Variants in SLC71A2 observed in about 807,000 individuals in gnomAD.
SLC71A2 encodes solute carrier family 71 member 2, also known as hippocampus abundant transcript-like 1.
At chr9:94,436,241 G>A in the SLC71A2 span, among the ~76,000 whole-genome samples, 9 of 152,184 alleles carry the variant, frequency 5.9e-5, no homozygotes, top group African/African-American at 1.9e-4. Flanking sequence ...GCTGTGTAGA[G>A]ATTTAAACTA....
At chr9:94,398,092 T>C in the SLC71A2 span, among the ~76,000 whole-genome samples, 1 of 151,884 alleles carries the variant, frequency 6.6e-6, no homozygotes, top group Non-Finnish European at 1.5e-5. Flanking sequence ...TTAATCATTT[T>C]ATCAGTATGA....
the SLC71A2 span, among the ~76,000 whole-genome samples, chr9:94,397,200 T>C: frequency 2.0e-5 from 3 of 152,188 alleles, no homozygotes; most frequent in South Asian, 4.1e-4. Flanking sequence ...CACAGAAAAA[T>C]TGCAGATAGC....
At chr9:94,384,744 A>C in the SLC71A2 span, among the ~76,000 whole-genome samples, 30,240 of 152,130 alleles carry the variant, frequency 0.2, 3,239 homozygotes, top group African/African-American at 0.28. Flanking sequence ...TATGGTGCGA[A>C]TGTCTCACTT....
chr9:94,391,988 G>C, the SLC71A2 span, among the ~76,000 whole-genome samples: 1 of 152,138 alleles, frequency 6.6e-6, no homozygotes, highest in African/African-American at 2.4e-5. Flanking sequence ...AACGTGTTGG[G>C]ATTACAGGCA....
the SLC71A2 span, among the ~76,000 whole-genome samples, chr9:94,453,010 C>A: frequency 2.0e-5 from 3 of 151,944 alleles, no homozygotes; most frequent in Admixed American, 6.6e-5. Flanking sequence ...CTACATTTGA[C>A]AAGGCTTATG....
chr9:94,434,224 T>TA, the SLC71A2 span, among the ~76,000 whole-genome samples: 23 of 152,226 alleles, frequency 1.5e-4, no homozygotes, highest in African/African-American at 5.3e-4. Context: ...ACAACTATTA[T>TA]GACCAAATTT....
At chr9:94,430,571 A>G in the SLC71A2 span, among the ~76,000 whole-genome samples, 1 of 152,084 alleles carries the variant, frequency 6.6e-6, no homozygotes, top group African/African-American at 2.4e-5. Context: ...CTACAGTAAC[A>G]CTCTATCACT....
At chr9:94,456,410 G>A in the SLC71A2 span, 2 of 1,202,802 alleles carry the variant, frequency 1.7e-6, no homozygotes, top group Non-Finnish European at 2.5e-6. Flanking sequence ...GAGCAGCTCT[G>A]AGTTCTCCCC....
At chr9:94,426,663 C>G in the SLC71A2 span, among the ~76,000 whole-genome samples, 11 of 152,116 alleles carry the variant, frequency 7.2e-5, no homozygotes, top group Non-Finnish European at 1.5e-4. Context: ...GAAGACAGTT[C>G]ATTTCTTAAA....
chr9:94,428,543 G>A, the SLC71A2 span, among the ~76,000 whole-genome samples: 1 of 149,926 alleles, frequency 6.7e-6, no homozygotes, highest in African/African-American at 2.5e-5. Flanking sequence ...GCAAAATTGA[G>A]AGGAAGGTAC....
the SLC71A2 span, chr9:94,441,076 G>A: frequency 1.6e-5 from 26 of 1,605,542 alleles, no homozygotes; most frequent in South Asian, 2.2e-5. Context: ...TCAGGAGCAC[G>A]AGCGAAGTAC....
chr9:94,455,848 G>C, the SLC71A2 span, among the ~76,000 whole-genome samples: 1 of 152,188 alleles, frequency 6.6e-6, no homozygotes, highest in South Asian at 2.1e-4. Flanking sequence ...CAGTGTGAAA[G>C]TGAGCCTTCA....
the SLC71A2 span, among the ~76,000 whole-genome samples, chr9:94,440,389 G>A: frequency 4.6e-5 from 7 of 152,014 alleles, no homozygotes; most frequent in South Asian, 2.1e-4. Flanking sequence ...TCCTGACCTC[G>A]TGATCCGCCC....
chr9:94,422,797 G>T, the SLC71A2 span, among the ~76,000 whole-genome samples: 1 of 151,856 alleles, frequency 6.6e-6, no homozygotes, highest in Non-Finnish European at 1.5e-5. Context: ...TAAAAAATTG[G>T]GTTGTGTCCC....
At chr9:94,428,634 A>G in the SLC71A2 span, among the ~76,000 whole-genome samples, 1 of 133,280 alleles carries the variant, frequency 7.5e-6, no homozygotes, top group Non-Finnish European at 1.6e-5. Flanking sequence ...TCCTTTCTAA[A>G]GGGGTACATT....
chr9:94,419,274 T>G, the SLC71A2 span, among the ~76,000 whole-genome samples: 8 of 150,032 alleles, frequency 5.3e-5, no homozygotes, highest in Non-Finnish European at 1.2e-4. Flanking sequence ...CCACCACGCT[T>G]GGCTAAAGCT....
chr9:94,419,215 G>A, the SLC71A2 span, among the ~76,000 whole-genome samples: 11 of 151,376 alleles, frequency 7.3e-5, no homozygotes, highest in African/African-American at 2.7e-4. Flanking sequence ...CTGGGCTCAA[G>A]CAATTGTCCT....
the SLC71A2 span, among the ~76,000 whole-genome samples, chr9:94,420,071 C>T: frequency 6.6e-6 from 1 of 152,134 alleles, no homozygotes; most frequent in Non-Finnish European, 1.5e-5. Flanking sequence ...GCCAGATTCT[C>T]TTGAAATCTC....
At chr9:94,386,246 T>G in the SLC71A2 span, among the ~76,000 whole-genome samples, 14,126 of 106,850 alleles carry the variant, frequency 0.13, 983 homozygotes, top group Non-Finnish European at 0.2. Flanking sequence ...TTTCTTAATT[T>G]CATGTATGTA....
Sources: allele counts gnomAD v4.1 joint callset (sites outside exome capture counted in the v4.1 genomes callset), GRCh38; gene constraint gnomAD v4.1.1; transcripts MANE v1.5; gene names NCBI Gene and HGNC (gene_info 2026-07-23, HGNC 2026-07-21).